PAX5: variants seen among roughly 807,000 people sequenced by gnomAD.
PAX5 encodes paired box protein Pax-5.
Under a neutral mutation model 43.7 loss-of-function variants are expected in PAX5, and 9 were observed. The ratio of observed to expected loss-of-function variants is 0.21; its 90% CI spans 0.12 to 0.36. PAX5 has a LOEUF of 0.36. Among genes scored for constraint, PAX5 ranks in the 10% least tolerant of loss-of-function variants. The probability of loss-of-function intolerance (pLI) is 1.00; values close to 1 mark genes in which losing one functional copy is unlikely to be tolerated. For synonymous variants in PAX5, 228 were observed against 214.3 expected, an observed-to-expected ratio of 1.06 and a Z score of -0.56; for missense variants, 383 against 532.7, an observed-to-expected ratio of 0.72 and a Z score of 2.77.
At chr9:36,931,065 G>A (rs1004486905) in intron 6 of PAX5, 4 of 435,076 alleles carry the variant, frequency 9.2e-6, no homozygotes, top group Non-Finnish European at 1.9e-5. Context: ...CTGGGGCCAG[G>A]AGGCCTCCCT....
In PAX5 at chr9:36,840,649, G is replaced by A. The variant is rs1587719268; in HGVS notation, c.1100-13C>T. Reference sequence around the variant, plus strand: ...TAGTAGGGGGAGCCTGGAAGAGACGGGAGAGAGCACCGAGGTCAGATCCGG... The same window carrying A: ...TAGTAGGGGGAGCCTGGAAGAGACGAGAGAGAGCACCGAGGTCAGATCCGG... On this transcript the variant is annotated splice_polypyrimidine_tract_variant and intron_variant, in intron 9 of 9. Transcript: ENST00000358127. The A allele has an allele frequency of 6.5e-7, 1 of 1,536,262 alleles. No homozygotes were observed. Among genetic ancestry groups the A allele is most frequent in the East Asian group, 2.3e-5 (1 of 42,728 alleles).
rs2297107 is a variant in PAX5, at chr9:37,020,364, G to A, written c.212+272C>T. Among the ~76,000 whole-genome samples the A allele has an allele frequency of 0.11, 16,677 of 152,122 alleles. 2,209 individuals carry two copies. Among genetic ancestry groups the A allele is most frequent in the African/African-American group, 0.3 (12,537 of 41,440 alleles). On this transcript the variant is annotated intron_variant, in intron 2 of 9. Coordinates refer to ENST00000358127, the MANE Select transcript of PAX5 (RefSeq NM_016734.3). ...ATATATAAGGGAAATTCCCAAGAACGTCTTACTCTTGAGTTCTTTAGAACA... is the reference window on the plus strand; with the variant it reads ...ATATATAAGGGAAATTCCCAAGAACATCTTACTCTTGAGTTCTTTAGAACA...
At chr9:36,910,833 C>G (rs1829215343) in intron 7 of PAX5, among the ~76,000 whole-genome samples, 1 of 152,200 alleles carries the variant, frequency 6.6e-6, no homozygotes, top group African/African-American at 2.4e-5. Context: ...TCTATGCTTT[C>G]CTCTAACTCC....
intron 8 of PAX5, among the ~76,000 whole-genome samples, chr9:36,863,896 G>T (rs561408520): frequency 6.6e-6 from 1 of 152,192 alleles, no homozygotes; most frequent in African/African-American, 2.4e-5. Flanking sequence ...GGATCAGGAG[G>T]TCAGGAGCTC....
Position 36,846,872 on chromosome 9 carries a change from G to C in PAX5, c.1070C>G (p.Ser357Cys), listed in dbSNP as rs1386744271. ...CAGCCCCGGGTTGGGGAACCTCCAG[G>C]AGTCGTTGTACGAGGAATACTGAGG... ...SHPQYSSYND[S>C]WRFPNPGLLG... Residue 357 changes from serine to cysteine, a missense_variant, in exon 9 of 10, where the codon TCC becomes TGC. Transcript: ENST00000358127. 1 of 1,614,134 alleles carries C rather than the reference G, an allele frequency of 6.2e-7. No homozygotes were observed. The highest frequency in any genetic ancestry group is 8.5e-7 in the Non-Finnish European group (1 of 1,179,964).
intron 1 of PAX5, among the ~76,000 whole-genome samples, chr9:37,029,160 A>C (rs1001040844): frequency 3.3e-5 from 5 of 152,238 alleles, no homozygotes; most frequent in Admixed American, 6.5e-5. Flanking sequence ...TGCCTGCTCC[A>C]GGACTGGGCT....
intron 6 of PAX5, among the ~76,000 whole-genome samples, chr9:36,932,605 C>A (rs562413383): frequency 1.5e-3 from 231 of 152,280 alleles, no homozygotes; most frequent in Non-Finnish European, 2.7e-3. Context: ...CATGAGGGAT[C>A]TTTCTGGAGT....
At chr9:37,032,968 G>A (rs776984369) in intron 1 of PAX5, among the ~76,000 whole-genome samples, 17 of 152,366 alleles carry the variant, frequency 1.1e-4, no homozygotes, top group Middle Eastern at 3.4e-3. Context: ...CACTGGTGCG[G>A]CACCCACAGG....
Position 36,837,295 on chromosome 9 carries a change from A to G in PAX5, c.*3265T>C, listed in dbSNP as rs1432075769. 8.6e-6 allele frequency: 2 copies of G among 233,238 alleles called. No homozygotes were observed. The highest frequency in any genetic ancestry group is 1.3e-3 in the Middle Eastern group (1 of 786). 14.4% of individuals were successfully genotyped at this position (233,238 alleles called of 1,614,324 possible). A position where few individuals can be genotyped will look rare whatever the true frequency, so the allele number is the denominator to read the frequency against. On this transcript the variant is annotated 3_prime_UTR_variant, in exon 10 of 10. Coordinates refer to ENST00000358127, the MANE Select transcript of PAX5 (RefSeq NM_016734.3). ...GGTTGAGGATTGCAAAGCACCGTAC[A>G]ATGTCAGTTATGGAAGGGCTAGCCT...
At chr9:37,016,412 A>T (rs1399120445) in intron 2 of PAX5, among the ~76,000 whole-genome samples, 1 of 152,130 alleles carries the variant, frequency 6.6e-6, no homozygotes, top group Non-Finnish European at 1.5e-5. Flanking sequence ...AGTCACGGCA[A>T]CTCTTCCAGG....
chr9:36,979,921 C>T (rs1373950015), intron 5 of PAX5, among the ~76,000 whole-genome samples: 3 of 152,156 alleles, frequency 2.0e-5, no homozygotes, highest in African/African-American at 7.2e-5. Context: ...TAAACTGTTG[C>T]CCCAAATCAC....
chr9:36,951,155 C>A (rs181165875), intron 6 of PAX5, among the ~76,000 whole-genome samples: 7 of 152,234 alleles, frequency 4.6e-5, no homozygotes, highest in Non-Finnish European at 2.9e-5. Context: ...GATAAATGGG[C>A]ATTCATGGAA....
chr9:36,917,537 C>T (rs1829819244), intron 7 of PAX5, among the ~76,000 whole-genome samples: 1 of 152,260 alleles, frequency 6.6e-6, no homozygotes, highest in Admixed American at 6.5e-5. Flanking sequence ...GTAGCCCCAA[C>T]TAAACATGTC....
chr9:36,983,439 T>C (rs1836107970), intron 5 of PAX5, among the ~76,000 whole-genome samples: 4 of 152,232 alleles, frequency 2.6e-5, no homozygotes, highest in Admixed American at 2.6e-4. Flanking sequence ...ATAATGAAAA[T>C]ATATCATTTT....
rs559155310 is a variant in PAX5 at position 36,929,644 on chromosome 9, G to C, written c.781-6160C>G. Among the ~76,000 whole-genome samples, 39 of 152,300 alleles carry C rather than the reference G, an allele frequency of 2.6e-4. 1 individual carries two copies. The South Asian group carries it at 7.1e-3, about 28-fold the overall frequency. ...GGTGCTGTCCTTGACCATGACCCAG[G>C]AACAGAAATGAACTGAAGTCAGCAA... On this transcript the variant is annotated intron_variant, in intron 6 of 9. Transcript: ENST00000358127.
At chr9:36,914,501 T>C (rs966191547) in intron 7 of PAX5, among the ~76,000 whole-genome samples, 2 of 152,214 alleles carry the variant, frequency 1.3e-5, no homozygotes, top group African/African-American at 4.8e-5. Flanking sequence ...CATTATGTCT[T>C]GCAGTTTAAA....
rs943881664 is a variant in PAX5 at position 36,920,359 on chromosome 9, A to G, written c.910+2996T>C. Among the ~76,000 whole-genome samples the G allele has an allele frequency of 4.6e-5, 7 of 152,258 alleles. No homozygotes were observed. In the South Asian group the frequency reaches 1.5e-3, roughly 32 times the overall value. ...GTCAATTGATGCAGCAAACTTCATC[A>G]TTGTCTATTTTAAGAAATTGCCACA... is the stretch of plus-strand genomic sequence containing the variant. On this transcript the variant is annotated intron_variant, in intron 7 of 9. Coordinates refer to ENST00000358127, the MANE Select transcript of PAX5 (RefSeq NM_016734.3).
chr9:36,936,867 C>T (rs1177782435), intron 6 of PAX5, among the ~76,000 whole-genome samples: 1 of 151,866 alleles, frequency 6.6e-6, no homozygotes, highest in African/African-American at 2.4e-5. Context: ...CACACACACA[C>T]ACACACTCCT....
intron 2 of PAX5, among the ~76,000 whole-genome samples, chr9:37,018,900 A>T (rs1839622593): frequency 6.6e-6 from 1 of 152,184 alleles, no homozygotes; most frequent in Non-Finnish European, 1.5e-5. Context: ...CCAGAACATG[A>T]GGACCACATG....
Sources: allele counts gnomAD v4.1 joint callset (sites outside exome capture counted in the v4.1 genomes callset), GRCh38; gene constraint gnomAD v4.1.1; transcripts MANE v1.5; gene names NCBI Gene and HGNC (gene_info 2026-07-23, HGNC 2026-07-21).